The following PARD3B variants were observed in gnomAD, a reference collection of about 807,000 sequenced individuals.
The protein encoded by PARD3B is partitioning defective 3 homolog B.
In PARD3B, 103 loss-of-function variants were observed where a neutral mutation model predicts 130.2. The observed-to-expected ratio is 0.79, with a 90% CI of 0.67 to 0.93. PARD3B has a LOEUF of 0.93. PARD3B is among the 40% of genes least tolerant of loss of function. The pLI, the probability that PARD3B is intolerant of heterozygous loss-of-function variation, is 0.00. For synonymous variants in PARD3B, 583 were observed against 553.2 expected (o/e 1.05, Z -0.76); for missense variants, 1,609 against 1,499.2 (o/e 1.07, Z -1.21).
In PARD3B at chr2:205,433,185, G is replaced by T. The variant is rs572064433; in HGVS notation, c.2742-7185G>T. Among the ~76,000 whole-genome samples the T allele has an allele frequency of 4.6e-5, 7 of 152,216 alleles. No homozygotes were observed. The South Asian group carries it at 1.2e-3, about 27-fold the overall frequency. On this transcript the variant is annotated intron_variant, in intron 19 of 22. Coordinates refer to ENST00000406610, the MANE Select transcript of PARD3B (RefSeq NM_001302769.2). ...AATCTAAATTTGTTAGTTTATAAAA[G>T]GTATAAGTAGTATAATCAGCATTTT...
At chr2:205,507,814 A>G (rs1186142795) in intron 21 of PARD3B, among the ~76,000 whole-genome samples, 1 of 152,216 alleles carries the variant, frequency 6.6e-6, no homozygotes, top group African/African-American at 2.4e-5. Flanking sequence ...GAATAGATCT[A>G]TTATCAAACT....
rs1575046082 is a variant in PARD3B at position 205,446,646 on chromosome 2, T to A, written c.3044+5974T>A. 6.6e-6 allele frequency among the ~76,000 whole-genome samples: 1 copy of A among 151,818 alleles called. No individual in the cohort carries two copies. The highest frequency in any genetic ancestry group is 1.9e-4 in the East Asian group (1 of 5,180). ...TTCAGTCCATCTTAGAAAAAAAAAA[T>A]TGCCTTATAAAAGATTCATCTATAA... On this transcript the variant is annotated intron_variant, in intron 20 of 22. Coordinates refer to ENST00000406610, the MANE Select transcript of PARD3B (RefSeq NM_001302769.2). The surrounding 1 kb of genome is among the most constrained non-coding windows in gnomAD (Gnocchi z 4.4).
intron 21 of PARD3B, among the ~76,000 whole-genome samples, chr2:205,500,819 G>T (rs2050131745): frequency 6.6e-6 from 1 of 152,206 alleles, no homozygotes; most frequent in African/African-American, 2.4e-5. Flanking sequence ...TATCAGAGCA[G>T]AGCTGAACAT....
intron 4 of PARD3B, among the ~76,000 whole-genome samples, chr2:205,058,298 A>G (rs559047672): frequency 6.6e-6 from 1 of 152,016 alleles, no homozygotes; most frequent in African/African-American, 2.4e-5. Context: ...ACTCTGTTGT[A>G]TTTGTATACA....
chr2:204,637,008 A>C (rs1176634034), intron 1 of PARD3B, among the ~76,000 whole-genome samples: 2 of 152,212 alleles, frequency 1.3e-5, no homozygotes, highest in Non-Finnish European at 2.9e-5. Context: ...GTATGAAATA[A>C]TAGAACCATA....
At chr2:205,050,610 A>G (rs1699123474) in intron 4 of PARD3B, among the ~76,000 whole-genome samples, 1 of 152,148 alleles carries the variant, frequency 6.6e-6, no homozygotes, top group South Asian at 2.1e-4. Context: ...AACATAAAAG[A>G]TCTCATTAAT....
intron 1 of PARD3B, among the ~76,000 whole-genome samples, chr2:204,601,592 G>C (rs1014496678): frequency 6.6e-6 from 1 of 151,874 alleles, no homozygotes; most frequent in Non-Finnish European, 1.5e-5. Context: ...TCAAGAACCA[G>C]TGCTTTAATA....
intron 2 of PARD3B, among the ~76,000 whole-genome samples, chr2:204,934,038 G>A (rs1181440287): frequency 1.3e-5 from 2 of 152,150 alleles, no homozygotes; most frequent in Non-Finnish European, 2.9e-5. Flanking sequence ...TTGAAGAAAG[G>A]GAGGCTTAAG....
At chr2:204,789,475 T>G (rs1275912725) in intron 2 of PARD3B, among the ~76,000 whole-genome samples, 1 of 152,176 alleles carries the variant, frequency 6.6e-6, no homozygotes, top group Non-Finnish European at 1.5e-5. Context: ...TTGGAAGATG[T>G]TTTATATTTA....
intron 19 of PARD3B, among the ~76,000 whole-genome samples, chr2:205,428,545 G>A (rs2047222355): frequency 6.6e-6 from 1 of 152,048 alleles, no homozygotes; most frequent in Non-Finnish European, 1.5e-5. Flanking sequence ...AGAACTTTGA[G>A]AAATCCATTT....
intron 20 of PARD3B, among the ~76,000 whole-genome samples, chr2:205,447,567 C>T (rs879926945): frequency 9.9e-5 from 15 of 152,090 alleles, no homozygotes; most frequent in African/African-American, 1.7e-4. Context: ...TTAGTAGAGA[C>T]GGGGTTTCAC....
intron 2 of PARD3B, among the ~76,000 whole-genome samples, chr2:204,960,109 T>C (rs1690614466): frequency 6.6e-6 from 1 of 152,212 alleles, no homozygotes; most frequent in African/African-American, 2.4e-5. Flanking sequence ...GACACATCAC[T>C]GTTGAGCTTA....
chr2:205,004,468 T>C (rs762105329), intron 3 of PARD3B, among the ~76,000 whole-genome samples: 128 of 152,364 alleles, frequency 8.4e-4, no homozygotes, highest in Non-Finnish European at 1.6e-3. Context: ...ACACAGTAGT[T>C]ACCTTTCATA....
intron 3 of PARD3B, among the ~76,000 whole-genome samples, chr2:205,002,237 T>G (rs11695066): frequency 0.51 from 77,950 of 151,982 alleles, 20,519 homozygotes; most frequent in East Asian, 0.82. Context: ...CAGCCCTGTT[T>G]CATCCCCTTG....
At chr2:204,862,006 T>C (rs1203061244) in intron 2 of PARD3B, among the ~76,000 whole-genome samples, 1 of 150,902 alleles carries the variant, frequency 6.6e-6, no homozygotes, top group Non-Finnish European at 1.5e-5. Context: ...TTTAGAAAAT[T>C]CATTTATTTA....
At chr2:204,722,440 T>C (rs1205013197) in intron 2 of PARD3B, among the ~76,000 whole-genome samples, 1 of 152,204 alleles carries the variant, frequency 6.6e-6, no homozygotes, top group African/African-American at 2.4e-5. Context: ...ATTGGCTAAC[T>C]TCTACAGTTT....
At chr2:204,633,060 C>A (rs983113923) in intron 1 of PARD3B, among the ~76,000 whole-genome samples, 1 of 152,082 alleles carries the variant, frequency 6.6e-6, no homozygotes, top group Non-Finnish European at 1.5e-5. Context: ...GGATAGTTCT[C>A]CAAAATACTC....
chr2:205,206,204 C>CTTTT (rs559433029), intron 15 of PARD3B, among the ~76,000 whole-genome samples: 1 of 131,588 alleles, frequency 7.6e-6, no homozygotes, highest in African/African-American at 3.0e-5. Flanking sequence ...TTCTGTGTTC[C>CTTTT]TTTTTTTTTT....
intron 2 of PARD3B, among the ~76,000 whole-genome samples, chr2:204,826,545 T>TA (rs1444388315): frequency 5.9e-5 from 9 of 152,256 alleles, no homozygotes; most frequent in Non-Finnish European, 1.3e-4. Flanking sequence ...TATTTATTGT[T>TA]ACTTTTCTAA....
Sources: gnomAD v4.1 joint callset for allele counts (sites outside exome capture counted in the v4.1 genomes callset) on GRCh38, gnomAD v4.1.1 for gene constraint, Gnocchi (gnomAD v3.1) non-coding constraint, MANE v1.5 for transcripts, NCBI Gene and HGNC (gene_info 2026-07-23, HGNC 2026-07-21) for gene names.